The following HMBOX1 variants were observed in gnomAD, a reference collection of about 807,000 sequenced individuals.
HMBOX1 encodes homeobox-containing protein 1.
Under a neutral mutation model 54.5 loss-of-function variants are expected in HMBOX1, and 14 were observed. The observed-to-expected ratio is 0.26, with a 90% CI of 0.17 to 0.40. The LOEUF is 0.40. Among genes scored for constraint, HMBOX1 ranks in the 10% least tolerant of loss-of-function variants. HMBOX1 has a pLI of 1.00. For missense variants in HMBOX1, 332 were observed against 514.4 expected, an observed-to-expected ratio of 0.65 and a Z score of 3.43; for synonymous variants, 160 against 181.0, an observed-to-expected ratio of 0.88 and a Z score of 0.93.
At chr8:29,022,057 A>G (rs553359919) in intron 6 of HMBOX1, among the ~76,000 whole-genome samples, 82 of 152,218 alleles carry the variant, frequency 5.4e-4, no homozygotes, top group Non-Finnish European at 1.0e-3. Flanking sequence ...ACTTAATGGA[A>G]GGGAATTCGG....
intron 4 of HMBOX1, among the ~76,000 whole-genome samples, chr8:28,980,774 T>C (rs758607642): frequency 2.0e-5 from 3 of 152,134 alleles, no homozygotes; most frequent in Non-Finnish European, 2.9e-5. Flanking sequence ...CTTTTCCTTG[T>C]TAATGTGTGA....
intron 4 of HMBOX1, among the ~76,000 whole-genome samples, chr8:28,982,630 C>CT (rs1227107137): frequency 1.5e-3 from 215 of 143,924 alleles, no homozygotes; most frequent in Admixed American, 4.1e-3. Context: ...TTATTTTTTA[C>CT]TTTTTTTTTT....
At chr8:28,963,746 T>G in intron 1 of HMBOX1, 65 bp from the exon 2 acceptor site, 1 of 678,900 alleles carries the variant, frequency 1.5e-6, no homozygotes, top group South Asian at 2.3e-5. Flanking sequence ...AGTTACATAA[T>G]TAAAATTTTT....
chr8:28,898,967 C>G (rs1734560208), intron 1 of HMBOX1, among the ~76,000 whole-genome samples: 2 of 152,128 alleles, frequency 1.3e-5, no homozygotes, highest in South Asian at 2.1e-4. Flanking sequence ...ACAAGGCACT[C>G]AGTTAAACAT....
intron 1 of HMBOX1, among the ~76,000 whole-genome samples, chr8:28,908,519 C>T (rs1814768558): frequency 2.0e-5 from 3 of 152,200 alleles, no homozygotes; most frequent in Admixed American, 6.5e-5. Flanking sequence ...CTTTGGGAGG[C>T]CAAGGCGGGC....
At chr8:28,933,835 T>A (rs1012218140) in intron 1 of HMBOX1, among the ~76,000 whole-genome samples, 1 of 152,234 alleles carries the variant, frequency 6.6e-6, no homozygotes, top group African/African-American at 2.4e-5. Flanking sequence ...TAAAAACCTT[T>A]CGTGCAAAGA....
At chr8:28,916,161 A>G (rs1325600439) in intron 1 of HMBOX1, among the ~76,000 whole-genome samples, 1 of 152,150 alleles carries the variant, frequency 6.6e-6, no homozygotes, top group Non-Finnish European at 1.5e-5. Flanking sequence ...TCTTGTTCAT[A>G]TCTTTAAGAA....
chr8:28,947,775 C>T (rs1019679153), intron 1 of HMBOX1, among the ~76,000 whole-genome samples: 13 of 152,262 alleles, frequency 8.5e-5, no homozygotes, highest in East Asian at 7.7e-4. Context: ...CTCCTGCCCC[C>T]GCCCCTGATT....
intron 4 of HMBOX1, among the ~76,000 whole-genome samples, chr8:28,981,064 A>G (rs1829255038): frequency 6.6e-6 from 1 of 152,152 alleles, no homozygotes; most frequent in African/African-American, 2.4e-5. Flanking sequence ...TATGATTTAA[A>G]GATATTATTT....
rs956787641 is a variant in HMBOX1, at chr8:29,009,262, C to T, written c.697+80C>T. ...TTACTTTAATGACTCCATGTGCTAACTTGTTCAGTAAGATGGTTTCATACT... is the reference window on the plus strand; with the variant it reads ...TTACTTTAATGACTCCATGTGCTAATTTGTTCAGTAAGATGGTTTCATACT... On this transcript the variant is annotated intron_variant, in intron 5 of 9. Transcript: ENST00000287701. 2.8e-5 allele frequency: 34 copies of T among 1,231,890 alleles called. No homozygotes were observed. In the Middle Eastern group the frequency reaches 9.6e-4, roughly 35 times the overall value. The allele number at this position is 1,231,890 out of a possible 1,614,324, so 76.3% of individuals were successfully genotyped here.
chr8:28,989,516 G>T (rs1262315668), intron 4 of HMBOX1, among the ~76,000 whole-genome samples: 1 of 152,242 alleles, frequency 6.6e-6, no homozygotes, highest in East Asian at 1.9e-4. Flanking sequence ...TGGAAACTCA[G>T]TTGGACATGC....
At chr8:29,030,509 A>G (rs577489196) in intron 6 of HMBOX1, among the ~76,000 whole-genome samples, 60 of 152,256 alleles carry the variant, frequency 3.9e-4, no homozygotes, top group Middle Eastern at 3.4e-3. Context: ...GTGAGCCACA[A>G]CGCCCGGCCG....
At chr8:28,908,581 C>G (rs1020405939) in intron 1 of HMBOX1, among the ~76,000 whole-genome samples, 26 of 152,234 alleles carry the variant, frequency 1.7e-4, no homozygotes, top group African/African-American at 6.0e-4. Context: ...ATGGCCAAAC[C>G]CTGTCTCTAC....
At chr8:29,014,168 TAAC>T (rs1315959883) in intron 5 of HMBOX1, among the ~76,000 whole-genome samples, 2 of 152,186 alleles carry the variant, frequency 1.3e-5, no homozygotes, top group East Asian at 3.8e-4. Flanking sequence ...TTATATGTCT[TAAC>T]AAGTTATGAA....
intron 1 of HMBOX1, among the ~76,000 whole-genome samples, chr8:28,895,174 TTTATC>T (rs1230574932): frequency 6.6e-6 from 1 of 152,210 alleles, no homozygotes; most frequent in Non-Finnish European, 1.5e-5. Context: ...TGCTTCTTTG[TTTATC>T]TTATGTCCAG....
At chr8:28,995,724 G>T (rs540343534) in intron 4 of HMBOX1, among the ~76,000 whole-genome samples, 2 of 152,300 alleles carry the variant, frequency 1.3e-5, no homozygotes, top group South Asian at 2.1e-4. Flanking sequence ...TTGATTTAGT[G>T]AGTAATGCAC....
At chr8:29,002,835 TG>T (rs1419624486) in intron 4 of HMBOX1, among the ~76,000 whole-genome samples, 10 of 152,202 alleles carry the variant, frequency 6.6e-5, no homozygotes, top group Non-Finnish European at 1.2e-4. Context: ...CTTGGAGTGA[TG>T]ATCTTGGAAT....
intron 6 of HMBOX1, among the ~76,000 whole-genome samples, chr8:29,026,294 A>G (rs1211810808): frequency 6.6e-6 from 1 of 152,166 alleles, no homozygotes; most frequent in Non-Finnish European, 1.5e-5. Flanking sequence ...TATATGAAGT[A>G]TCTGGAGTAG....
At position 28,970,784 on chromosome 8, in the gene HMBOX1, T is replaced by C; in HGVS notation, c.500+265T>C. 2.8e-6 allele frequency: 1 copy of C among 351,060 alleles called. No homozygotes were observed. The highest frequency in any genetic ancestry group is 4.4e-5 in the Admixed American group (1 of 22,854). The allele number at this position is 351,060 out of a possible 1,614,324, so 21.7% of individuals were successfully genotyped here. A position where few individuals can be genotyped will look rare whatever the true frequency, so the allele number is the denominator to read the frequency against. ...TTCCATTCTGTTTATCAAACACTAA[T>C]CTTCTCTATGACTCTAATAGCTAAT... On this transcript the variant is annotated intron_variant, in intron 3 of 9. Transcript: ENST00000287701. The surrounding 1 kb of genome is among the most constrained non-coding windows in gnomAD (Gnocchi z 4.3).
Sources: allele counts gnomAD v4.1 joint callset (sites outside exome capture counted in the v4.1 genomes callset), GRCh38; gene constraint gnomAD v4.1.1; non-coding constraint Gnocchi (gnomAD v3.1); transcripts MANE v1.5; gene names NCBI Gene and HGNC (gene_info 2026-07-23, HGNC 2026-07-21).